The following MPP7 variants were observed in gnomAD, a reference collection of about 807,000 sequenced individuals.
MPP7 encodes the protein MAGUK p55 subfamily member 7.
MPP7 carries 60 observed loss-of-function variants against 76.5 expected under a neutral mutation model. The observed-to-expected ratio is 0.78, with a 90% CI of 0.64 to 0.97. The LOEUF is 0.97. Among genes scored for constraint, MPP7 ranks in the 50% least tolerant of loss-of-function variants. The probability of loss-of-function intolerance (pLI) is 0.00; values close to 1 mark genes in which losing one functional copy is unlikely to be tolerated. For synonymous variants in MPP7, 237 were observed against 244.5 expected (o/e 0.97, Z 0.29); for missense variants, 641 against 694.0 (o/e 0.92, Z 0.86).
chr10:28,315,190 G>GGGAA (rs539394658), intron 2 of MPP7, among the ~76,000 whole-genome samples: 1,929 of 146,550 alleles, frequency 0.013, 59 homozygotes, highest in African/African-American at 0.046. Flanking sequence ...AAGAGAAGGA[G>GGGAA]GGAAGGAAGG....
At chr10:28,097,373 TTGA>T (rs1170020437) in intron 11 of MPP7, among the ~76,000 whole-genome samples, 1 of 152,132 alleles carries the variant, frequency 6.6e-6, no homozygotes, top group African/African-American at 2.4e-5. Context: ...GTGGTAGTGG[TTGA>T]TATTTGTCGG....
rs1452134508 is a variant in MPP7, at chr10:28,120,614, T to C, written c.670A>G (p.Thr224Ala). The C allele has an allele frequency of 6.2e-7, 1 of 1,613,818 alleles. No individual in the cohort carries two copies. Among genetic ancestry groups the C allele is most frequent in the Admixed American group, 1.7e-5 (1 of 60,018 alleles). The change falls in exon 9 of 17, where the codon ACA becomes GCA. Residue 224 changes from threonine (T) to alanine (A), a missense_variant. Coordinates refer to ENST00000683449, the MANE Select transcript of MPP7 (RefSeq NM_001318170.2). ...ATTACCTTGCCTTCTTTTGATGGTG[T>C]CTCCTCTTTGCTGCCGGGTATAATC... ...FKIIPGSKEE[T>A]PSKEGKMFIK...
chr10:28,058,444 C>T, intron 15 of MPP7, 51 bp downstream of exon 15: 1 of 938,824 alleles, frequency 1.1e-6, no homozygotes, highest in Non-Finnish European at 1.6e-6. Flanking sequence ...ACATGAGGTG[C>T]TGTAGATGAC....
chr10:28,120,563 G>T, intron 9 of MPP7, 31 bp downstream of exon 9: 1 of 1,590,036 alleles, frequency 6.3e-7, no homozygotes, highest in Non-Finnish European at 8.6e-7. Context: ...TCCCTCCCAC[G>T]CACGAAGAAA....
intron 11 of MPP7, among the ~76,000 whole-genome samples, chr10:28,107,123 A>C (rs1400948764): frequency 6.6e-6 from 1 of 152,152 alleles, no homozygotes; most frequent in African/African-American, 2.4e-5. Context: ...ATCCAGTACC[A>C]AACTAAATTT....
At chr10:28,322,501 C>G (rs1762164) in intron 2 of MPP7, among the ~76,000 whole-genome samples, 8 of 152,258 alleles carry the variant, frequency 5.3e-5, no homozygotes, top group Non-Finnish European at 1.2e-4. Context: ...AAAATGGCAG[C>G]CAGGCCCCAA....
chr10:28,332,237 A>G (rs2133194012), intron 1 of MPP7, among the ~76,000 whole-genome samples: 1 of 105,714 alleles, frequency 9.5e-6, no homozygotes, highest in South Asian at 2.9e-4. Flanking sequence ...CCAGTTTGTC[A>G]AATGTATGCG....
At chr10:28,100,582 G>T (rs1050284739) in intron 11 of MPP7, among the ~76,000 whole-genome samples, 4 of 152,098 alleles carry the variant, frequency 2.6e-5, no homozygotes, top group African/African-American at 9.7e-5. Flanking sequence ...TGCTAATTTT[G>T]TAGATAAAGG....
chr10:28,244,586 C>T lies in MPP7; in HGVS notation c.-131-5851G>A, dbSNP rs796834869. On this transcript the variant is annotated intron_variant, in intron 1 of 16. Transcript: ENST00000683449. ...GGTTCAATGATTAATATAAAACCAA[C>T]ATATGTCCTTTCCACACATGGAAAG... Among the ~76,000 whole-genome samples, 5 of 152,140 alleles carry T rather than the reference C, an allele frequency of 3.3e-5. No homozygotes were observed. In the South Asian group the frequency reaches 8.3e-4, roughly 25 times the overall value.
At chr10:28,059,311 A>G (rs1851685075) in intron 14 of MPP7, among the ~76,000 whole-genome samples, 1 of 152,138 alleles carries the variant, frequency 6.6e-6, no homozygotes, top group Non-Finnish European at 1.5e-5. Flanking sequence ...GATATACTAC[A>G]TAGTTGTTGG....
rs1294895339 is a variant in MPP7 at position 28,323,672 on chromosome 10, C to T, written c.-132+6257G>A. ...CCAGCTTGGGCAACATAACAAGGCC[C>T]TGTTGCTACACACAAAAAATAATAA... On this transcript the variant is annotated intron_variant, in intron 2 of 11. Coordinates refer to the MPP7 transcript ENST00000441595. 2.0e-5 allele frequency among the ~76,000 whole-genome samples: 3 copies of T among 149,268 alleles called. No homozygotes were observed. In the Admixed American group the frequency reaches 2.0e-4, roughly 10 times the overall value.
intron 3 of MPP7, among the ~76,000 whole-genome samples, chr10:28,164,186 C>A (rs960755015): frequency 4.6e-5 from 7 of 152,118 alleles, no homozygotes; most frequent in Non-Finnish European, 8.8e-5. Flanking sequence ...AGAAAGAAAT[C>A]ACCCAGGGAG....
intron 2 of MPP7, among the ~76,000 whole-genome samples, chr10:28,217,147 A>G (rs1036662051): frequency 3.3e-5 from 5 of 152,162 alleles, no homozygotes; most frequent in African/African-American, 7.2e-5. Context: ...TTCAAAGGCT[A>G]TATTAATTAT....
At chr10:28,243,057 T>C (rs1421835813) in intron 1 of MPP7, among the ~76,000 whole-genome samples, 1 of 152,078 alleles carries the variant, frequency 6.6e-6, no homozygotes, top group African/African-American at 2.4e-5. Context: ...TGAGTTATAC[T>C]GGCTGCTTTG....
At position 28,150,613 on chromosome 10, in the gene MPP7, C is replaced by CT. The variant is rs200625040; in HGVS notation, c.157-555dup. On this transcript the variant is annotated intron_variant, in intron 3 of 16. Coordinates refer to ENST00000683449, the MANE Select transcript of MPP7 (RefSeq NM_001318170.2). ...GTTCCTTTTATTATACTTATTCATT[C>CT]TTTTTTTTTGAAATTGCCAACTTTC... is the stretch of plus-strand genomic sequence containing the variant. 9.2e-5 allele frequency among the ~76,000 whole-genome samples: 14 copies of CT among 151,364 alleles called. 1 individual carries two copies. The highest frequency in any genetic ancestry group is 1.9e-4 in the East Asian group (1 of 5,166).
chr10:28,067,023 T>C (rs1852017243), intron 13 of MPP7, among the ~76,000 whole-genome samples: 1 of 152,160 alleles, frequency 6.6e-6, no homozygotes, highest in Non-Finnish European at 1.5e-5. Context: ...ACGTGTCTTT[T>C]GGTGAACGTA....
At chr10:28,092,620 T>G (rs1482582141) in intron 11 of MPP7, among the ~76,000 whole-genome samples, 1 of 149,574 alleles carries the variant, frequency 6.7e-6, no homozygotes, top group Non-Finnish European at 1.5e-5. Flanking sequence ...TTGCCCAGGC[T>G]GGAGTGCAGT....
intron 12 of MPP7, among the ~76,000 whole-genome samples, chr10:28,084,810 T>C (rs748909400): frequency 1.4e-4 from 21 of 152,268 alleles, no homozygotes; most frequent in Non-Finnish European, 1.5e-5. Flanking sequence ...TAGGAATTTA[T>C]TGAAAAATTT....
intron 12 of MPP7, among the ~76,000 whole-genome samples, chr10:28,078,863 C>T (rs958640205): frequency 6.6e-6 from 1 of 152,156 alleles, no homozygotes; most frequent in Non-Finnish European, 1.5e-5. Flanking sequence ...ACCAAAGTTA[C>T]GTAGCCCATT....
Sources: allele counts gnomAD v4.1 joint callset (sites outside exome capture counted in the v4.1 genomes callset), GRCh38; gene constraint gnomAD v4.1.1; transcripts MANE v1.5; gene names NCBI Gene and HGNC (gene_info 2026-07-23, HGNC 2026-07-21).